The following SLC5A10 variants were observed in gnomAD, a reference collection of about 807,000 sequenced individuals.
SLC5A10 encodes the protein sodium/mannose cotransporter SLC5A10.
In SLC5A10, 55 loss-of-function variants were observed where a neutral mutation model predicts 68.9. That is an observed-to-expected ratio of 0.80 (90% confidence interval 0.64 to 1.00). The LOEUF (loss-of-function observed/expected upper bound fraction) is 1.00. SLC5A10 is among the 50% of genes least tolerant of loss of function. The pLI is 0.00. For missense variants in SLC5A10, 732 were observed against 819.3 expected (o/e 0.89, Z 1.30); for synonymous variants, 344 against 344.8 (o/e 1.00, Z 0.02).
chr17:18,960,457 G>T (rs1176478877), intron 4 of SLC5A10, 91 bp from the exon 5 acceptor site: 15 of 1,100,914 alleles, frequency 1.4e-5, no homozygotes, highest in East Asian at 2.5e-5. Context: ...CTTTGTGGCG[G>T]GGGGAGAGGC....
intron 13 of SLC5A10, 82 bp downstream of exon 13, chr17:19,020,010 CAG>C: frequency 2.0e-6 from 3 of 1,475,674 alleles, no homozygotes; most frequent in East Asian, 4.9e-5. Context: ...CACTCTGACT[CAG>C]AATTTTCTAG....
At position 18,976,834 on chromosome 17, in the gene SLC5A10, G is replaced by A. The variant is rs771303153; in HGVS notation, c.847-20G>A. 1.4e-5 allele frequency: 22 copies of A among 1,612,134 alleles called. No individual in the cohort carries two copies. In the East Asian group the frequency reaches 2.9e-4, roughly 21 times the overall value. On this transcript the variant is annotated intron_variant, in intron 8 of 14. Transcript: ENST00000395645. ...TGTCCCTCAGGCTTGGACTCACCCC[G>A]TCTCGCACTCCACCCCCAGGTCATC...
chr17:18,981,889 AGTCGGACAAAGATC>A (rs1478999439), intron 9 of SLC5A10, among the ~76,000 whole-genome samples: 1 of 152,180 alleles, frequency 6.6e-6, no homozygotes, highest in Non-Finnish European at 1.5e-5. Flanking sequence ...GGGGTTGAGA[AGTCGGACAAAGATC>A]CTGGAGGTGG....
intron 9 of SLC5A10, chr17:18,978,012 C>T (rs751321977): frequency 4.5e-6 from 7 of 1,553,450 alleles, no homozygotes; most frequent in Non-Finnish European, 4.3e-6. Flanking sequence ...TGGAGTGGGG[C>T]GTGGCCTGGG....
rs1621499 is a variant in SLC5A10 at position 19,020,875 on chromosome 17, G to A, written c.*444G>A. On this transcript the variant is annotated 3_prime_UTR_variant, in exon 15 of 15. Transcript: ENST00000395645. ...CCAAGGGCTCCTCCCTCCACCCACC[G>A]GCTCCCAAATGCCAGAGGGAGCCTC... is the stretch of plus-strand genomic sequence containing the variant. 114,394 of 162,114 alleles carry A rather than the reference G, an allele frequency of 0.71. 42,984 individuals are homozygous for A. The highest frequency in any genetic ancestry group is 0.85 in the Non-Finnish European group (62,848 of 73,528). 10.0% of individuals were successfully genotyped at this position (162,114 alleles called of 1,614,324 possible). A position where few individuals can be genotyped will look rare whatever the true frequency, so the allele number is the denominator to read the frequency against.
chr17:18,965,086 TTAAAAAAA>T (rs2042684379), intron 5 of SLC5A10, among the ~76,000 whole-genome samples: 1 of 144,686 alleles, frequency 6.9e-6, no homozygotes, highest in Admixed American at 6.8e-5. Flanking sequence ...AGAGGTTTTT[TTAAAAAAA>T]AAAAAAAAGA....
At chr17:18,985,532 A>G (rs2043248115) in intron 9 of SLC5A10, among the ~76,000 whole-genome samples, 1 of 152,012 alleles carries the variant, frequency 6.6e-6, no homozygotes, top group Admixed American at 6.5e-5. Context: ...CGGCAAAGGA[A>G]GTGCTCCCGG....
At chr17:18,983,912 C>T (rs1275324285) in intron 9 of SLC5A10, among the ~76,000 whole-genome samples, 1 of 152,188 alleles carries the variant, frequency 6.6e-6, no homozygotes, top group Non-Finnish European at 1.5e-5. Context: ...ATACATGTCC[C>T]CTTTTGTGTG....
chr17:19,010,556 A>T (rs190980068), intron 9 of SLC5A10, among the ~76,000 whole-genome samples: 35 of 152,246 alleles, frequency 2.3e-4, no homozygotes, highest in Admixed American at 5.2e-4. Context: ...CAGCACAAAC[A>T]CTTGGTCAAA....
intron 9 of SLC5A10, chr17:18,988,145 G>C: frequency 6.7e-7 from 1 of 1,495,828 alleles, no homozygotes; most frequent in Non-Finnish European, 9.0e-7. Flanking sequence ...TGAGTGCCTG[G>C]CACAGGACTC....
intron 9 of SLC5A10, among the ~76,000 whole-genome samples, chr17:19,011,218 C>T (rs911372838): frequency 6.6e-6 from 1 of 152,194 alleles, no homozygotes; most frequent in Non-Finnish European, 1.5e-5. Context: ...GCTGCTACTG[C>T]CTTGGGGGTT....
chr17:19,016,204 C>G (rs1008054170), intron 11 of SLC5A10, among the ~76,000 whole-genome samples: 3 of 152,106 alleles, frequency 2.0e-5, no homozygotes, highest in Admixed American at 6.6e-5. Flanking sequence ...CACCACCACG[C>G]CTGGCTACTT....
rs1037885740 is a variant in SLC5A10 at position 19,020,394 on chromosome 17, T to G, written c.1754T>G (p.Met585Arg). Residue 585 changes from methionine to arginine, a missense_variant, in exon 15 of 15, where the codon ATG becomes AGG. Met to Arg is a moderately conservative substitution (Grantham distance 91). Transcript: ENST00000395645. ...RVCGFNAILL[M>R]CVNIFFYAYF... ...TGTGGCTTCAATGCCATCCTCCTCATGTGTGTCAACATATTCTTTTATGCC... is the reference window on the plus strand; with the variant it reads ...TGTGGCTTCAATGCCATCCTCCTCAGGTGTGTCAACATATTCTTTTATGCC... The G allele has an allele frequency of 7.4e-6, 12 of 1,613,966 alleles. No individual in the cohort carries two copies. The highest frequency in any genetic ancestry group is 6.7e-5 in the Admixed American group (4 of 60,006).
At chr17:18,969,288 G>C in intron 6 of SLC5A10, 54 bp from the exon 7 acceptor site, 1 of 1,596,238 alleles carries the variant, frequency 6.3e-7, no homozygotes, top group Non-Finnish European at 8.6e-7. Flanking sequence ...TCCTCCCCGT[G>C]TCCCTCCTCC....
chr17:18,989,840 G>A (rs971268053), intron 9 of SLC5A10, among the ~76,000 whole-genome samples: 9 of 152,224 alleles, frequency 5.9e-5, no homozygotes, highest in Admixed American at 2.0e-4. Flanking sequence ...GTTGGATGTC[G>A]CAAAGCAAGT....
At position 19,003,029 on chromosome 17, in the gene SLC5A10, T is replaced by A. The variant is rs538862017; in HGVS notation, c.983-10381T>A. Among the ~76,000 whole-genome samples the A allele has an allele frequency of 2.0e-5, 3 of 152,158 alleles. No homozygotes were observed. Among genetic ancestry groups the A allele is most frequent in the African/African-American group, 7.2e-5 (3 of 41,512 alleles). Reference sequence around the variant, plus strand: ...TCTGCTCCCAGTTGCTCAGCACAGCTAGGAAACAGGCAGTGTTGAACAAGG... The same window carrying A: ...TCTGCTCCCAGTTGCTCAGCACAGCAAGGAAACAGGCAGTGTTGAACAAGG... On this transcript the variant is annotated intron_variant, in intron 9 of 14. Transcript: ENST00000395645. The surrounding 1 kb of genome is among the most constrained non-coding windows in gnomAD (Gnocchi z 4.5).
chr17:18,997,368 G>A (rs1201480022), intron 9 of SLC5A10, among the ~76,000 whole-genome samples: 1 of 152,266 alleles, frequency 6.6e-6, no homozygotes, highest in Non-Finnish European at 1.5e-5. Flanking sequence ...TGAGGCAAGA[G>A]GGCAAGATCC....
chr17:18,952,662 C>T (rs1214731214), intron 1 of SLC5A10: 1 of 194,078 alleles, frequency 5.2e-6, no homozygotes, highest in Admixed American at 6.0e-5. Context: ...TCTGCTTGAA[C>T]AACAGGCTCC....
At chr17:18,985,685 C>T (rs1199211107) in intron 9 of SLC5A10, among the ~76,000 whole-genome samples, 1 of 152,204 alleles carries the variant, frequency 6.6e-6, no homozygotes, top group Non-Finnish European at 1.5e-5. Flanking sequence ...AGCTCAGAGG[C>T]GAGAATGAGG....
Sources: allele counts gnomAD v4.1 joint callset (sites outside exome capture counted in the v4.1 genomes callset), GRCh38; gene constraint gnomAD v4.1.1; non-coding constraint Gnocchi (gnomAD v3.1); transcripts MANE v1.5; gene names NCBI Gene and HGNC (gene_info 2026-07-23, HGNC 2026-07-21).